ZBTB20: variants seen among roughly 807,000 people sequenced by gnomAD.
ZBTB20 encodes the protein zinc finger and BTB domain containing 20.
A neutral mutation model predicts 56.9 loss-of-function variants in ZBTB20; 9 were observed. The ratio of observed to expected loss-of-function variants is 0.16; its 90% CI spans 0.10 to 0.28. ZBTB20 has a LOEUF of 0.28. Among genes scored for constraint, ZBTB20 ranks in the 10% least tolerant of loss-of-function variants. ZBTB20 has a pLI of 1.00. For synonymous variants in ZBTB20, 417 were observed against 420.7 expected, an observed-to-expected ratio of 0.99 and a Z score of 0.11; for missense variants, 655 against 1,003.0, an observed-to-expected ratio of 0.65 and a Z score of 4.69.
intron 4 of ZBTB20, among the ~76,000 whole-genome samples, chr3:114,823,175 A>G (rs2073346393): frequency 6.6e-6 from 1 of 152,072 alleles, no homozygotes; most frequent in African/African-American, 2.4e-5. Context: ...GAATTCTCCC[A>G]CTGATTAACA....
chr3:114,766,875 T>C (rs1320766088), intron 5 of ZBTB20, among the ~76,000 whole-genome samples: 2 of 152,096 alleles, frequency 1.3e-5, no homozygotes, highest in Non-Finnish European at 2.9e-5. Context: ...CACCTTTTTC[T>C]TTCTTTCCCA....
At chr3:114,921,174 G>C (rs1198260738) in intron 3 of ZBTB20, among the ~76,000 whole-genome samples, 1 of 152,156 alleles carries the variant, frequency 6.6e-6, no homozygotes, top group African/African-American at 2.4e-5. Flanking sequence ...CCAGGCTGCA[G>C]TGCAATGGTG....
intron 2 of ZBTB20, among the ~76,000 whole-genome samples, chr3:115,010,944 A>C (rs2079676722): frequency 6.6e-6 from 1 of 151,970 alleles, no homozygotes; most frequent in Admixed American, 6.6e-5. Context: ...AAATTTAACA[A>C]AGAGAATAAA....
chr3:114,766,749 G>A (rs2108725131), intron 5 of ZBTB20, among the ~76,000 whole-genome samples: 1 of 152,118 alleles, frequency 6.6e-6, no homozygotes, highest in Non-Finnish European at 1.5e-5. Flanking sequence ...TCTGGGAGAA[G>A]AAAGATCTAC....
intron 6 of ZBTB20, among the ~76,000 whole-genome samples, chr3:114,623,801 C>T (rs2058482769): frequency 1.3e-5 from 2 of 151,592 alleles, no homozygotes; most frequent in Admixed American, 6.6e-5. Context: ...ACCTCCCTGC[C>T]CCCACTCACC....
chr3:114,771,335 T>C (rs2069180292), intron 5 of ZBTB20, among the ~76,000 whole-genome samples: 1 of 152,172 alleles, frequency 6.6e-6, no homozygotes, highest in South Asian at 2.1e-4. Context: ...TGATTTGTGA[T>C]TACTTAATTA....
chr3:114,482,487 C>T (rs1296301415), intron 7 of ZBTB20, among the ~76,000 whole-genome samples: 2 of 152,170 alleles, frequency 1.3e-5, no homozygotes, highest in African/African-American at 4.8e-5. Flanking sequence ...ATGGGTCAGT[C>T]ACTCTTAAAT....
chr3:114,825,658 G>A (rs765749546), intron 4 of ZBTB20, among the ~76,000 whole-genome samples: 16 of 151,800 alleles, frequency 1.1e-4, no homozygotes, highest in Admixed American at 3.3e-4. Flanking sequence ...GCAGTGTACC[G>A]TACTACTGAA....
At chr3:114,753,273 GTA>G (rs202106964) in intron 5 of ZBTB20, among the ~76,000 whole-genome samples, 3 of 20,560 alleles carry the variant, frequency 1.5e-4, no homozygotes, top group African/African-American at 1.7e-4. Context: ...ATGTATACCT[GTA>G]TATATAATGT....
chr3:114,843,674 T>C (rs1246108900), intron 4 of ZBTB20, among the ~76,000 whole-genome samples: 3 of 151,830 alleles, frequency 2.0e-5, no homozygotes, highest in African/African-American at 7.3e-5. Context: ...CAGCCAAGCA[T>C]ATATATATAT....
At chr3:115,063,496 T>A (rs552921663) in intron 2 of ZBTB20, among the ~76,000 whole-genome samples, 6 of 152,290 alleles carry the variant, frequency 3.9e-5, no homozygotes, top group Admixed American at 1.3e-4. Flanking sequence ...CCCACCTTCA[T>A]GGCCTAATTA....
intron 2 of ZBTB20, among the ~76,000 whole-genome samples, chr3:115,056,772 C>T (rs1373291447): frequency 3.3e-5 from 5 of 152,024 alleles, no homozygotes; most frequent in African/African-American, 1.2e-4. Flanking sequence ...TTTTATGGTA[C>T]ACCATTTATG....
intron 3 of ZBTB20, among the ~76,000 whole-genome samples, chr3:114,944,166 T>C (rs2107867843): frequency 6.9e-6 from 1 of 144,768 alleles, no homozygotes; most frequent in Middle Eastern, 3.4e-3. Context: ...AAAAAATGAG[T>C]AAAAGATCTG....
chr3:114,663,875 C>T (rs978166926), intron 6 of ZBTB20, among the ~76,000 whole-genome samples: 2 of 150,782 alleles, frequency 1.3e-5, no homozygotes, highest in Non-Finnish European at 1.5e-5. Flanking sequence ...ACAGGAGCAC[C>T]CAGATTCATA....
At chr3:114,963,838 T>G (rs898635272) in intron 3 of ZBTB20, among the ~76,000 whole-genome samples, 1 of 152,130 alleles carries the variant, frequency 6.6e-6, no homozygotes, top group African/African-American at 2.4e-5. Context: ...ACTGAAACTA[T>G]AAAAATAAGC....
At chr3:115,078,972 T>A (rs1444402670) in intron 1 of ZBTB20, among the ~76,000 whole-genome samples, 3 of 152,186 alleles carry the variant, frequency 2.0e-5, no homozygotes. Context: ...CTATAATACA[T>A]GAACTACATT....
chr3:114,759,173 G>A (rs771397267), intron 5 of ZBTB20: 13 of 152,136 alleles, frequency 8.5e-5, no homozygotes, highest in Non-Finnish European at 1.6e-4. Flanking sequence ...CTTCAGCCAT[G>A]CCAGGGCACA....
intron 2 of ZBTB20, among the ~76,000 whole-genome samples, chr3:115,026,712 A>T (rs575792929): frequency 6.6e-6 from 1 of 150,942 alleles, no homozygotes; most frequent in South Asian, 2.1e-4. Context: ...GTATTCTAAC[A>T]TTACCTTGAC....
intron 3 of ZBTB20, among the ~76,000 whole-genome samples, chr3:114,926,185 T>C (rs112030928): frequency 3.9e-5 from 6 of 152,198 alleles, no homozygotes; most frequent in African/African-American, 1.4e-4. Flanking sequence ...GGCTTTCTCT[T>C]GGAGTTAAAT....
Sources: gnomAD v4.1 joint callset for allele counts (sites outside exome capture counted in the v4.1 genomes callset) on GRCh38, gnomAD v4.1.1 for gene constraint, MANE v1.5 for transcripts, NCBI Gene and HGNC (gene_info 2026-07-23, HGNC 2026-07-21) for gene names.